Variants in TECR observed in about 807,000 individuals in gnomAD.
TECR encodes trans-2,3-enoyl-CoA reductase.
In TECR, 19 loss-of-function variants were observed where a neutral mutation model predicts 50.6. The observed-to-expected ratio is 0.38, with a 90% confidence interval of 0.26 to 0.55. The LOEUF is 0.55. Ranked by LOEUF, TECR falls within the 20% of genes least tolerant of loss-of-function variation. The probability of loss-of-function intolerance (pLI) is 0.79; values close to 1 mark genes in which losing one functional copy is unlikely to be tolerated. For synonymous variants in TECR, 168 were observed against 163.5 expected (o/e 1.03, Z -0.21); for missense variants, 313 against 408.3 (o/e 0.77, Z 2.01).
At chr19:14,543,149 C>T (rs918491486) in intron 1 of TECR, among the ~76,000 whole-genome samples, 8 of 150,918 alleles carry the variant, frequency 5.3e-5, no homozygotes, top group Non-Finnish European at 7.4e-5. Context: ...GCTGAAGTCA[C>T]GGAGCTGAGC....
intron 1 of TECR, among the ~76,000 whole-genome samples, chr19:14,541,543 A>G (rs1365402356): frequency 2.0e-5 from 3 of 152,134 alleles, no homozygotes; most frequent in African/African-American, 7.2e-5. Context: ...CCTCTTATCA[A>G]TGCTAAGAAT....
chr19:14,540,451 G>A (rs1011581015), intron 1 of TECR, among the ~76,000 whole-genome samples: 1 of 151,416 alleles, frequency 6.6e-6, no homozygotes, highest in Non-Finnish European at 1.5e-5. Flanking sequence ...GGAGTGCAGT[G>A]GTGCGATCTT....
Position 14,564,992 on chromosome 19 carries a change from G to A in TECR, c.606G>A (p.Val202=). 1 of 1,614,050 alleles carries A rather than the reference G, an allele frequency of 6.2e-7. No individual in the cohort carries two copies. The highest frequency in any genetic ancestry group is 8.5e-7 in the Non-Finnish European group (1 of 1,180,040). ...QQVKLALAIF[V]ICQLGNFSIH... ...TGAAACTGGCGCTCGCCATCTTTGTGGTAAGGAGGCTGGGTGTGGGGACGG... is the reference window on the plus strand; with the variant it reads ...TGAAACTGGCGCTCGCCATCTTTGTAGTAAGGAGGCTGGGTGTGGGGACGG... Residue 202 remains valine (V), a splice_region_variant and synonymous_variant, in exon 9 of 13, where the codon GTG becomes GTA. Transcript: ENST00000215567.
chr19:14,557,178 C>T (rs960484366), intron 1 of TECR, among the ~76,000 whole-genome samples: 3 of 147,936 alleles, frequency 2.0e-5, no homozygotes, highest in African/African-American at 7.5e-5. Flanking sequence ...CTTGCTGTGT[C>T]GCCCAGGCTG....
At chr19:14,535,560 A>ATATATG (rs2072857313) in intron 1 of TECR, among the ~76,000 whole-genome samples, 1 of 21,856 alleles carries the variant, frequency 4.6e-5, no homozygotes, top group Non-Finnish European at 8.5e-5. Flanking sequence ...ATATATATAT[A>ATATATG]TATATATATA....
At chr19:14,545,591 C>T (rs538856728) in intron 1 of TECR, 11 of 195,328 alleles carry the variant, frequency 5.6e-5, no homozygotes, top group Middle Eastern at 2.3e-3. Flanking sequence ...TTGTTACACC[C>T]GCCTGACTGC....
chr19:14,549,694 C>T (rs887958564), intron 1 of TECR, among the ~76,000 whole-genome samples: 2 of 151,968 alleles, frequency 1.3e-5, no homozygotes. Flanking sequence ...CCTGTAATCC[C>T]AGCACTTAGG....
At chr19:14,547,115 AAG>A (rs58601549) in intron 1 of TECR, among the ~76,000 whole-genome samples, 32,593 of 152,096 alleles carry the variant, frequency 0.21, 5,011 homozygotes, top group African/African-American at 0.44. Context: ...TCAAAGCAAA[AAG>A]AGAGCCAATG....
At chr19:14,549,288 C>T (rs577657539) in intron 1 of TECR, among the ~76,000 whole-genome samples, 1 of 149,318 alleles carries the variant, frequency 6.7e-6, no homozygotes, top group South Asian at 2.2e-4. Context: ...TCTCAGCTCA[C>T]TGCAACCTCT....
chr19:14,562,629 A>G (rs1160679895), intron 2 of TECR, 54 bp downstream of exon 2: 1 of 1,600,794 alleles, frequency 6.2e-7, no homozygotes, highest in African/African-American at 1.3e-5. Context: ...CCGGGACCCC[A>G]ATCCTTATAG....
At chr19:14,562,192 G>A (rs2073923091) in intron 1 of TECR, 1 of 596,666 alleles carries the variant, frequency 1.7e-6, no homozygotes, top group Non-Finnish European at 3.0e-6. Flanking sequence ...GGCTGTGGTT[G>A]CCACTCGGGT....
intron 7 of TECR, 64 bp downstream of exon 7, chr19:14,564,351 A>T (rs1450455358): frequency 1.2e-6 from 1 of 835,872 alleles, no homozygotes; most frequent in African/African-American, 5.1e-5. Flanking sequence ...CCCCGCCCCC[A>T]CCGAGCCCCA....
chr19:14,542,474 G>T (rs1388915522), intron 1 of TECR, among the ~76,000 whole-genome samples: 1 of 145,820 alleles, frequency 6.9e-6, no homozygotes, highest in Admixed American at 7.2e-5. Flanking sequence ...CAATTCTCCT[G>T]CCTCAGCCTC....
At chr19:14,553,647 GGCTGAGCC>G (rs1384508301) in intron 1 of TECR, among the ~76,000 whole-genome samples, 1 of 152,114 alleles carries the variant, frequency 6.6e-6, no homozygotes, top group South Asian at 2.1e-4. Flanking sequence ...GAGCCGAGAG[GGCTGAGCC>G]GCTGAGCCGG....
intron 1 of TECR, among the ~76,000 whole-genome samples, chr19:14,550,171 C>T (rs1022611491): frequency 2.6e-5 from 4 of 152,024 alleles, no homozygotes; most frequent in African/African-American, 7.2e-5. Flanking sequence ...CAGGGCCTGG[C>T]ATGTGTCAGT....
At chr19:14,546,049 ACT>A in intron 1 of TECR, among the ~76,000 whole-genome samples, 1 of 151,330 alleles carries the variant, frequency 6.6e-6, no homozygotes, top group East Asian at 1.9e-4. Context: ...CATGCCACTG[ACT>A]CTTGGGGGAC....
chr19:14,534,996 G>A (rs888153759), intron 1 of TECR, among the ~76,000 whole-genome samples: 1 of 152,058 alleles, frequency 6.6e-6, no homozygotes, highest in African/African-American at 2.4e-5. Context: ...AGGTGCTGCG[G>A]GTCAGTGTGG....
intron 1 of TECR, among the ~76,000 whole-genome samples, chr19:14,555,026 G>C (rs1344362161): frequency 6.6e-6 from 1 of 150,576 alleles, no homozygotes; most frequent in East Asian, 2.0e-4. Flanking sequence ...ATCTGCCCAC[G>C]TCCGCCTCCC....
At position 14,563,409 on chromosome 19, in the gene TECR, T is replaced by C; in HGVS notation, c.118+152T>C. On this transcript the variant is annotated intron_variant, in intron 3 of 12. Coordinates refer to ENST00000215567, the MANE Select transcript of TECR (RefSeq NM_138501.6). The surrounding 1 kb of genome is among the most constrained non-coding windows in gnomAD (Gnocchi z 5.3). ...CTGGGGCGTGACTGGGGCAGGCGCC[T>C]CCACGTGGCACTCCGCAGGAACGCC... The C allele has an allele frequency of 8.1e-6, 7 of 859,416 alleles. No individual in the cohort carries two copies. The highest frequency in any genetic ancestry group is 1.3e-5 in the Non-Finnish European group (7 of 529,006). The allele number at this position is 859,416 out of a possible 1,614,324, so 53.2% of individuals were successfully genotyped here.
Sources: gnomAD v4.1 joint callset for allele counts (sites outside exome capture counted in the v4.1 genomes callset) on GRCh38, gnomAD v4.1.1 for gene constraint, Gnocchi (gnomAD v3.1) non-coding constraint, MANE v1.5 for transcripts, NCBI Gene and HGNC (gene_info 2026-07-23, HGNC 2026-07-21) for gene names.